BIRC3: variants seen among roughly 807,000 people sequenced by gnomAD.
BIRC3 encodes baculoviral IAP repeat containing 3.
A neutral mutation model predicts 59.0 loss-of-function variants in BIRC3; 26 were observed. The ratio of observed to expected loss-of-function variants is 0.44; its 90% confidence interval spans 0.32 to 0.61. BIRC3 has a LOEUF of 0.61. BIRC3 is among the 20% of genes least tolerant of loss of function. BIRC3 has a pLI of 0.04. For synonymous variants in BIRC3, 243 were observed against 249.2 expected (o/e 0.98, Z 0.24); for missense variants, 641 against 711.5 (o/e 0.90, Z 1.13).
chr11:102,326,291 G>A (rs1951079602), intron 3 of BIRC3, among the ~76,000 whole-genome samples: 1 of 152,178 alleles, frequency 6.6e-6, no homozygotes, highest in Non-Finnish European at 1.5e-5. Context: ...GAAATGCCAG[G>A]CAGGTTACAA....
chr11:102,324,913 G>T lies in BIRC3; in HGVS notation c.404G>T (p.Arg135Leu). ...GGTACAGAAAACAGTGGATATTTCC[G>T]TGGCTCTTATTCAAACTCTCCATCA... ...LPGTENSGYF[R>L]GSYSNSPSNP... is the part of the protein sequence containing the mutation. Residue 135 changes from arginine (R) to leucine (L), a missense_variant, in exon 2 of 9, where the codon CGT (arginine) becomes CTT (leucine). By Grantham distance (102) the Arg-to-Leu change is moderately radical. This residue lies in a region of BIRC3 where 329 missense variants were observed against 365.6 expected (regional missense o/e 0.90). Coordinates refer to ENST00000263464, the MANE Select transcript of BIRC3 (RefSeq NM_001165.5). 1 of 1,614,110 alleles carries T rather than the reference G, an allele frequency of 6.2e-7. No individual in the cohort carries two copies. The highest frequency in any genetic ancestry group is 8.5e-7 in the Non-Finnish European group (1 of 1,180,024).
chr11:102,331,972 A>C (rs1414574368), intron 6 of BIRC3, among the ~76,000 whole-genome samples: 1 of 152,188 alleles, frequency 6.6e-6, no homozygotes, highest in Non-Finnish European at 1.5e-5. Context: ...TTAGCATAAA[A>C]GCATGTCTTA....
chr11:102,325,274 T>G lies in BIRC3; in HGVS notation c.765T>G (p.His255Gln), dbSNP rs967841484. Residue 255 changes from histidine (H) to glutamine (Q), a missense_variant, in exon 2 of 9, where the codon CAT becomes CAG. By Grantham distance (24) the His-to-Gln change is conservative. Around this residue, in one of 4 missense-constraint regions of BIRC3, gnomAD observed 329 missense variants for 365.6 expected, o/e 0.90. Transcript: ENST00000263464. ...TTTCTAATCTGAGCATGCAGACACA[T>G]GCAGCCCGCTTTAAAACATTCTTTA... ...YTVSNLSMQT[H>Q]AARFKTFFNW... The G allele has an allele frequency of 6.2e-7, 1 of 1,614,192 alleles. No individual in the cohort carries two copies.
rs1205896873 is a variant in BIRC3, at chr11:102,337,926, C to G, written c.*824C>G. The stretch of plus-strand genomic sequence containing the variant: ...ATTATGGAATGCCTGAGACAAGAAT[C>G]AAACAGTCCCTTTAGTAAGTTTGTT... On this transcript the variant is annotated 3_prime_UTR_variant, in exon 9 of 9. Transcript: ENST00000263464. The G allele has an allele frequency of 1.3e-5, 3 of 227,156 alleles. No individual in the cohort carries two copies. Among genetic ancestry groups the G allele is most frequent in the African/African-American group, 2.2e-5 (1 of 45,016 alleles). 14.1% of individuals were successfully genotyped at this position (227,156 alleles called of 1,614,324 possible).
chr11:102,333,287 G>A (rs1261113806), intron 6 of BIRC3, among the ~76,000 whole-genome samples: 2 of 152,054 alleles, frequency 1.3e-5, no homozygotes, highest in Admixed American at 6.5e-5. Flanking sequence ...ATATGGCTGA[G>A]TGTGGTGGCT....
intron 4 of BIRC3, 26 bp from the exon 5 acceptor site, chr11:102,328,871 T>C (rs927755369): frequency 7.3e-6 from 6 of 823,556 alleles, no homozygotes; most frequent in Admixed American, 8.7e-5. Flanking sequence ...TATATATATA[T>C]ATATATATAT....
Position 102,324,899 on chromosome 11 carries a change from CAG to C in BIRC3, c.391_392del (p.Ser131TrpfsTer37). On this transcript the variant is annotated frameshift_variant, in exon 2 of 9. Transcript: ENST00000263464. LOFTEE classifies it high-confidence loss of function. ...ACTCATTACTTCCGGGTACAGAAAA[CAG>C]TGGATATTTCCGTGGCTCTTATTCA... ...THSLLPGTEN[S>X]GYFRGSYSNS... The C allele has an allele frequency of 3.7e-6, 6 of 1,614,228 alleles. No individual in the cohort carries two copies. Among genetic ancestry groups the C allele is most frequent in the Non-Finnish European group, 4.2e-6 (5 of 1,180,040 alleles).
Position 102,325,288 on chromosome 11 carries a change from A to G in BIRC3, c.779A>G (p.Lys260Arg), listed in dbSNP as rs2276113. ...LSMQTHAARF[K>R]TFFNWPSSVL... ...ATGCAGACACATGCAGCCCGCTTTA[A>G]AACATTCTTTAACTGGCCCTCTAGT... Residue 260 changes from lysine (K) to arginine (R), a missense_variant, in exon 2 of 9, where the codon AAA becomes AGA. By Grantham distance (26) the Lys-to-Arg change is conservative (BLOSUM62 2). This residue lies in a region of BIRC3 where 329 missense variants were observed against 365.6 expected (regional missense o/e 0.90). Transcript: ENST00000263464. 6.2e-3 allele frequency: 10,007 copies of G among 1,614,114 alleles called. 521 individuals are homozygous for G. In the Admixed American group the frequency reaches 0.11, roughly 18 times the overall value.
chr11:102,330,851 A>G (rs1951130754), intron 5 of BIRC3, 148 bp from the exon 6 acceptor site: 3 of 768,882 alleles, frequency 3.9e-6, no homozygotes, highest in Non-Finnish European at 5.9e-6. Flanking sequence ...AAATTTAACA[A>G]TGTTCATACA....
intron 6 of BIRC3, among the ~76,000 whole-genome samples, chr11:102,331,973 G>T (rs1427927236): frequency 6.6e-6 from 1 of 152,136 alleles, no homozygotes; most frequent in Non-Finnish European, 1.5e-5. Context: ...TAGCATAAAA[G>T]CATGTCTTAG....
chr11:102,319,870 T>C (rs1951013346), intron 1 of BIRC3: 1 of 152,194 alleles, frequency 6.6e-6, no homozygotes, highest in Non-Finnish European at 1.5e-5. Flanking sequence ...GTATATTTAT[T>C]GTATAGTTGT....
chr11:102,325,997 T>G (rs1951076998), intron 3 of BIRC3, among the ~76,000 whole-genome samples: 1 of 152,090 alleles, frequency 6.6e-6, no homozygotes, highest in Non-Finnish European at 1.5e-5. Flanking sequence ...TAGAAATAAA[T>G]GTACACCATT....
Position 102,339,202 on chromosome 11 carries a change from C to T in BIRC3, c.*2100C>T. ...ATTTAAATAGTAGGCACCCTTTTTG[C>T]ACCATGTGTTTTTTTTTTTATCTAG... On this transcript the variant is annotated 3_prime_UTR_variant, in exon 9 of 9. Coordinates refer to ENST00000263464, the MANE Select transcript of BIRC3 (RefSeq NM_001165.5). 6.5e-6 allele frequency: 1 copy of T among 152,804 alleles called. No homozygotes were observed. The highest frequency in any genetic ancestry group is 1.2e-5 in the Non-Finnish European group (1 of 82,192). The allele number at this position is 152,804 out of a possible 1,614,324, so 9.5% of individuals were successfully genotyped here.
intron 3 of BIRC3, among the ~76,000 whole-genome samples, chr11:102,326,552 A>C (rs1951082909): frequency 6.6e-6 from 1 of 151,974 alleles, no homozygotes; most frequent in African/African-American, 2.4e-5. Context: ...CTACAATTAC[A>C]TTTTTTCATG....
chr11:102,318,393 T>C (rs1349835484), intron 1 of BIRC3, among the ~76,000 whole-genome samples: 1 of 152,188 alleles, frequency 6.6e-6, no homozygotes, highest in Non-Finnish European at 1.5e-5. Context: ...GACTCTGTGG[T>C]CATTAATATA....
chr11:102,328,098 G>T lies in BIRC3; in HGVS notation c.1000G>T (p.Val334Phe). The change falls in exon 4 of 9, where the codon GTT (valine) becomes TTT (phenylalanine). Residue 334 changes from valine to phenylalanine, a missense_variant. Val to Phe is a conservative substitution (Grantham distance 50, BLOSUM62 -1). This residue lies in a region of BIRC3 where 268 missense variants were observed against 255.7 expected (regional missense o/e 1.05). Transcript: ENST00000263464. ...TAAAGGACAGGAGTTCATCCGTCAA[G>T]TTCAAGCCAGTTACCCTCATCTACT... is the stretch of plus-strand genomic sequence containing the variant. ...RIKGQEFIRQ[V>F]QASYPHLLEQ... 2 of 1,609,774 alleles carry T rather than the reference G, an allele frequency of 1.2e-6. No homozygotes were observed. The highest frequency in any genetic ancestry group is 1.7e-6 in the Non-Finnish European group (2 of 1,178,754).
At chr11:102,330,542 A>G (rs1007444895) in intron 5 of BIRC3, among the ~76,000 whole-genome samples, 73 of 152,360 alleles carry the variant, frequency 4.8e-4, no homozygotes, top group African/African-American at 1.7e-3. Context: ...AGTGTGACAC[A>G]TCATATTTGT....
rs1183205324 is a variant in BIRC3, at chr11:102,337,784, A to G, written c.*682A>G. 8.5e-6 allele frequency: 2 copies of G among 236,062 alleles called. No homozygotes were observed. Among genetic ancestry groups the G allele is most frequent in the African/African-American group, 4.4e-5 (2 of 45,454 alleles). The allele number at this position is 236,062 out of a possible 1,614,324, so 14.6% of individuals were successfully genotyped here. A position where few individuals can be genotyped will look rare whatever the true frequency, so the allele number is the denominator to read the frequency against. On this transcript the variant is annotated 3_prime_UTR_variant, in exon 9 of 9. Transcript: ENST00000263464. ...CATTGGATAGTTTAGTCACTCCCAG[A>G]CTCTTTCCATACCTTCTTAAAGCCT...
Position 102,336,215 on chromosome 11 carries a change from T to G in BIRC3, c.1574T>G (p.Leu525Ter). The G allele has an allele frequency of 6.3e-7, 1 of 1,583,730 alleles. No individual in the cohort carries two copies. Among genetic ancestry groups the G allele is most frequent in the Middle Eastern group, 1.7e-4 (1 of 5,870 alleles). The change falls in exon 7 of 9, where the codon TTA (leucine) becomes TGA (stop). Residue 525 changes from leucine (L) to a stop codon, truncating the protein, a stop_gained. Transcript: ENST00000263464. LOFTEE classifies it high-confidence loss of function. ...GCTGAAGCTGTGTTATATGAGCATT[T>G]ATTTGGTGAGTGATAGAAAATTATT... is the stretch of plus-strand genomic sequence containing the variant. ...QEAEAVLYEH[L>*]FVQQDIKYIP...
Sources: allele counts gnomAD v4.1 joint callset (sites outside exome capture counted in the v4.1 genomes callset), GRCh38; gene constraint gnomAD v4.1.1; regional missense constraint gnomAD v4.1.1; transcripts MANE v1.5; gene names NCBI Gene and HGNC (gene_info 2026-07-23, HGNC 2026-07-21).